The following SLC39A8 variants were observed in gnomAD, a reference collection of about 807,000 sequenced individuals.
SLC39A8 encodes solute carrier family 39 member 8.
In SLC39A8, 15 loss-of-function variants were observed where a neutral mutation model predicts 40.4. The observed-to-expected ratio is 0.37, with a 90% CI of 0.25 to 0.57. SLC39A8 has a LOEUF of 0.57. SLC39A8 is among the 20% of genes least tolerant of loss of function. The pLI is 0.75. For synonymous variants in SLC39A8, 223 were observed against 221.6 expected (o/e 1.01, Z -0.06); for missense variants, 472 against 558.8 (o/e 0.84, Z 1.57).
chr4:102,310,529 A>T (rs1734386903), intron 3 of SLC39A8, among the ~76,000 whole-genome samples: 2 of 152,094 alleles, frequency 1.3e-5, no homozygotes, highest in African/African-American at 4.8e-5. Context: ...AGAAATACCA[A>T]TCGATCTGCT....
At chr4:102,319,195 GA>G (rs1466688384) in intron 2 of SLC39A8, among the ~76,000 whole-genome samples, 2 of 152,284 alleles carry the variant, frequency 1.3e-5, no homozygotes, top group South Asian at 2.1e-4. Flanking sequence ...CAGTTTTTAT[GA>G]GTCAGAAGTT....
intron 6 of SLC39A8, among the ~76,000 whole-genome samples, chr4:102,275,638 T>C (rs1404006979): frequency 1.3e-5 from 2 of 152,162 alleles, no homozygotes; most frequent in Admixed American, 6.5e-5. Context: ...GCTGACCTAA[T>C]AGATATCTAC....
chr4:102,261,275 G>T (rs1731841644), downstream of SLC39A8, among the ~76,000 whole-genome samples: 1 of 152,198 alleles, frequency 6.6e-6, no homozygotes, highest in South Asian at 2.1e-4. Flanking sequence ...TTTTCCCCTG[G>T]CACAGGCCAT....
At chr4:102,253,488 C>T in intron 11 of SLC39A8, 1 of 691,326 alleles carries the variant, frequency 1.4e-6, no homozygotes, top group South Asian at 1.6e-5. Context: ...TACCATGTTT[C>T]CGTAATCTTT....
chr4:102,337,183 C>T (rs1169434199), intron 2 of SLC39A8, among the ~76,000 whole-genome samples: 7 of 150,528 alleles, frequency 4.7e-5, no homozygotes, highest in Admixed American at 2.6e-4. Flanking sequence ...ATTTATATTC[C>T]TATTTTTCTC....
intron 6 of SLC39A8, among the ~76,000 whole-genome samples, chr4:102,278,065 C>T (rs1330530969): frequency 1.3e-5 from 2 of 152,158 alleles, no homozygotes; most frequent in Non-Finnish European, 2.9e-5. Context: ...CCATTCAAGA[C>T]ATAGGTATGG....
At chr4:102,306,719 A>C (rs1734187700) in intron 4 of SLC39A8, among the ~76,000 whole-genome samples, 1 of 152,034 alleles carries the variant, frequency 6.6e-6, no homozygotes, top group South Asian at 2.1e-4. Context: ...CCCTTCTATG[A>C]AAGTCTCTTT....
chr4:102,300,212 C>T (rs1448426961), intron 6 of SLC39A8, among the ~76,000 whole-genome samples: 1 of 152,020 alleles, frequency 6.6e-6, no homozygotes, highest in Non-Finnish European at 1.5e-5. Flanking sequence ...TTAAGGAACT[C>T]TCAAATCATT....
chr4:102,297,422 A>C (rs1220480649), intron 6 of SLC39A8, among the ~76,000 whole-genome samples: 1 of 152,138 alleles, frequency 6.6e-6, no homozygotes, highest in African/African-American at 2.4e-5. Flanking sequence ...AAACGAGTTA[A>C]TATATGTAAA....
intron 6 of SLC39A8, among the ~76,000 whole-genome samples, chr4:102,278,767 A>G (rs1732738456): frequency 6.6e-6 from 1 of 152,226 alleles, no homozygotes; most frequent in Non-Finnish European, 1.5e-5. Context: ...AGAATGGATA[A>G]AGAAAATGTG....
rs150701513 is a variant in SLC39A8, at chr4:102,340,001, C to T, written c.219+4443G>A. Among the ~76,000 whole-genome samples, 983 of 152,262 alleles carry T rather than the reference C, an allele frequency of 6.5e-3. 14 individuals carry two copies. The highest frequency in any genetic ancestry group is 0.023 in the African/African-American group (957 of 41,536). ...ATTGCAAAAATTCAAAAAATTGCAA[C>T]CTCAGGCATAAATGGGTTAGTTCCT... On this transcript the variant is annotated intron_variant, in intron 2 of 8. Coordinates refer to ENST00000356736, the MANE Select transcript of SLC39A8 (RefSeq NM_001135146.2).
intron 3 of SLC39A8, among the ~76,000 whole-genome samples, chr4:102,309,969 C>T (rs892917620): frequency 3.3e-5 from 5 of 152,000 alleles, no homozygotes; most frequent in Admixed American, 6.6e-5. Context: ...TGACAGTTAT[C>T]GATCTGGTGC....
intron 3 of SLC39A8, 49 bp from the exon 4 acceptor site, chr4:102,307,654 C>T (rs760221121): frequency 6.4e-7 from 1 of 1,558,374 alleles, no homozygotes; most frequent in Non-Finnish European, 8.7e-7. Context: ...AGCAAGGAAC[C>T]AAATGATGTT....
At chr4:102,343,800 T>G (rs1736038864) in intron 2 of SLC39A8, among the ~76,000 whole-genome samples, 1 of 152,220 alleles carries the variant, frequency 6.6e-6, no homozygotes, top group African/African-American at 2.4e-5. Flanking sequence ...GAAAAAATTT[T>G]TTTAATCATT....
In SLC39A8 at chr4:102,307,599, C is replaced by T; in HGVS notation, c.389G>A (p.Gly130Glu). ...AATCGTCACTGACAGGAATCCATAT[C>T]CCCAAACTGTGGGTCAGAGGGAAAA... The part of the protein sequence containing the change: ...KTRPSHSEVW[G>E]YGFLSVTIIN... The change falls in exon 4 of 9, where the codon GGA (glycine) becomes GAA (glutamate). Residue 130 changes from glycine to glutamate, a missense_variant. By Grantham distance (98) the Gly-to-Glu change is moderately conservative. Transcript: ENST00000356736. 6.2e-7 allele frequency: 1 copy of T among 1,612,488 alleles called. No individual in the cohort carries two copies. Among genetic ancestry groups the T allele is most frequent in the Non-Finnish European group, 8.5e-7 (1 of 1,179,142 alleles).
chr4:102,296,856 C>G (rs1162849565), intron 6 of SLC39A8, among the ~76,000 whole-genome samples: 1 of 152,066 alleles, frequency 6.6e-6, no homozygotes, highest in East Asian at 1.9e-4. Context: ...CAGCGAAAAA[C>G]CTGCCTTTAT....
At chr4:102,339,457 A>C (rs1176662180) in intron 2 of SLC39A8, among the ~76,000 whole-genome samples, 5 of 152,182 alleles carry the variant, frequency 3.3e-5, no homozygotes, top group Non-Finnish European at 7.4e-5. Context: ...CAATGCAAAA[A>C]ACATGTTTGC....
intron 6 of SLC39A8, among the ~76,000 whole-genome samples, chr4:102,303,885 ATATAAAT>A (rs1479305560): frequency 6.6e-6 from 1 of 151,918 alleles, no homozygotes; most frequent in Non-Finnish European, 1.5e-5. Flanking sequence ...GTGGATATAA[ATATAAAT>A]TATAAGTCAG....
chr4:102,328,029 C>T (rs2149049236), intron 2 of SLC39A8, among the ~76,000 whole-genome samples: 1 of 152,066 alleles, frequency 6.6e-6, no homozygotes, highest in East Asian at 1.9e-4. Flanking sequence ...CAGAGAAAAT[C>T]CCAGGCTAAA....
Sources: allele counts gnomAD v4.1 joint callset (sites outside exome capture counted in the v4.1 genomes callset), GRCh38; gene constraint gnomAD v4.1.1; transcripts MANE v1.5; gene names NCBI Gene and HGNC (gene_info 2026-07-23, HGNC 2026-07-21).